The following SORBS2 variants were observed in gnomAD, a reference collection of about 807,000 sequenced individuals.
SORBS2 encodes sorbin and SH3 domain-containing protein 2.
Under a neutral mutation model 97.7 loss-of-function variants are expected in SORBS2, and 46 were observed. The observed-to-expected ratio is 0.47, with a 90% CI of 0.37 to 0.60. SORBS2 has a LOEUF of 0.60. Ranked by LOEUF, SORBS2 falls within the 20% of genes least tolerant of loss-of-function variation. The pLI, the probability that SORBS2 is intolerant of heterozygous loss-of-function variation, is 0.00. For missense variants in SORBS2, 1,316 were observed against 1,282.3 expected (o/e 1.03, Z -0.40); for synonymous variants, 476 against 473.4 (o/e 1.01, Z -0.07).
At chr4:185,618,592 T>A (rs768750687) in exon 9 of SORBS2, 1 of 1,527,818 alleles carries the variant, frequency 6.5e-7, no homozygotes, top group Non-Finnish European at 8.9e-7. Flanking sequence ...TACTTAGATG[T>A]CTGAGCCTTA....
chr4:185,867,345 T>C (rs1177231196), intron 1 of SORBS2, among the ~76,000 whole-genome samples: 1 of 152,184 alleles, frequency 6.6e-6, no homozygotes, highest in African/African-American at 2.4e-5. Context: ...TAGAACTTCC[T>C]ATTAGCAAAG....
chr4:185,712,637 GGCTTTGGGA>G (rs2098433188), intron 2 of SORBS2, among the ~76,000 whole-genome samples: 1 of 152,186 alleles, frequency 6.6e-6, no homozygotes, highest in Non-Finnish European at 1.5e-5. Flanking sequence ...CGCCCTCTGG[GGCTTTGGGA>G]GTCACAGGCA....
At chr4:185,679,591 A>C (rs1455667326) in intron 2 of SORBS2, among the ~76,000 whole-genome samples, 2 of 152,178 alleles carry the variant, frequency 1.3e-5, no homozygotes, top group African/African-American at 4.8e-5. Flanking sequence ...TGTGTATTTT[A>C]AGTCATCAGC....
At chr4:185,870,258 C>CAT (rs2149739025) in intron 1 of SORBS2, among the ~76,000 whole-genome samples, 1 of 152,222 alleles carries the variant, frequency 6.6e-6, no homozygotes, top group African/African-American at 2.4e-5. Flanking sequence ...GGGTTCCCTG[C>CAT]GTAGGGGAAT....
In SORBS2 at chr4:185,927,457, G is replaced by T. The variant is rs1036154159; in HGVS notation, c.-338+28739C>A. ...CCCCTTGCCCCCCACCCCCTGACAG[G>T]CCCCTGTGTGATATTCCACTCCCCG... On this transcript the variant is annotated intron_variant, in intron 1 of 20. Coordinates refer to the SORBS2 transcript ENST00000284776. Among the ~76,000 whole-genome samples, 4 of 151,016 alleles carry T rather than the reference G, an allele frequency of 2.6e-5. No individual in the cohort carries two copies. In the Admixed American group the frequency reaches 2.6e-4, roughly 10 times the overall value.
intron 9 of SORBS2, among the ~76,000 whole-genome samples, chr4:185,616,751 ATTTTT>A (rs2096634050): frequency 6.6e-6 from 1 of 151,632 alleles, no homozygotes; most frequent in South Asian, 2.1e-4. Flanking sequence ...CCTCACTTTT[ATTTTT>A]ATTTGTTTTT....
intron 1 of SORBS2, among the ~76,000 whole-genome samples, chr4:185,808,058 T>C (rs1288093890): frequency 6.6e-6 from 1 of 152,202 alleles, no homozygotes; most frequent in African/African-American, 2.4e-5. Flanking sequence ...ACATGATTAG[T>C]CTTTAAGATG....
intron 1 of SORBS2, among the ~76,000 whole-genome samples, chr4:185,792,858 G>A (rs982297212): frequency 2.6e-5 from 4 of 152,186 alleles, no homozygotes; most frequent in African/African-American, 9.7e-5. Flanking sequence ...GACAGTGCAG[G>A]GTTTGGAATG....
intron 2 of SORBS2, among the ~76,000 whole-genome samples, chr4:185,712,657 C>A (rs1583252983): frequency 6.6e-6 from 1 of 152,180 alleles, no homozygotes; most frequent in Admixed American, 6.5e-5. Context: ...GTCACAGGCA[C>A]CCCCACCTGG....
At chr4:185,802,974 T>C (rs1417774487) in intron 1 of SORBS2, among the ~76,000 whole-genome samples, 1 of 152,178 alleles carries the variant, frequency 6.6e-6, no homozygotes, top group African/African-American at 2.4e-5. Flanking sequence ...TTGCTTTTGG[T>C]TGGAAGCAGA....
intron 2 of SORBS2, among the ~76,000 whole-genome samples, chr4:185,683,720 G>A (rs1004210085): frequency 1.1e-4 from 16 of 152,014 alleles, no homozygotes; most frequent in Non-Finnish European, 2.9e-5. Context: ...CTTGGACGTT[G>A]AAATCCATTT....
At chr4:185,914,127 T>G (rs1341052611) in intron 1 of SORBS2, among the ~76,000 whole-genome samples, 3 of 152,246 alleles carry the variant, frequency 2.0e-5, no homozygotes, top group African/African-American at 7.2e-5. Context: ...ATTTTCACTG[T>G]GGACAATAAC....
At chr4:185,791,165 C>G (rs2099078110) in intron 1 of SORBS2, among the ~76,000 whole-genome samples, 1 of 152,148 alleles carries the variant, frequency 6.6e-6, no homozygotes, top group Admixed American at 6.5e-5. Flanking sequence ...TTAGAATGAG[C>G]ACATTTTTGC....
intron 1 of SORBS2, among the ~76,000 whole-genome samples, chr4:185,879,258 G>C (rs1441749321): frequency 6.8e-6 from 1 of 147,616 alleles, no homozygotes; most frequent in Non-Finnish European, 1.5e-5. Context: ...CTATGAGTGA[G>C]AACATGCGGT....
At chr4:185,753,996 C>T (rs886131297) in intron 2 of SORBS2, among the ~76,000 whole-genome samples, 7 of 152,046 alleles carry the variant, frequency 4.6e-5, no homozygotes, top group African/African-American at 1.2e-4. Flanking sequence ...GACACATGCA[C>T]GCATATATTC....
intron 2 of SORBS2, among the ~76,000 whole-genome samples, chr4:185,719,036 TA>T (rs1423584057): frequency 6.6e-6 from 1 of 151,962 alleles, no homozygotes; most frequent in Non-Finnish European, 1.5e-5. Context: ...TTCCATTAAA[TA>T]ACAAGCTTGC....
At chr4:185,700,299 G>C (rs188094258) in intron 2 of SORBS2, among the ~76,000 whole-genome samples, 1 of 151,314 alleles carries the variant, frequency 6.6e-6, no homozygotes, top group East Asian at 1.9e-4. Context: ...ATGAGTCTGT[G>C]CGTGAGTCAG....
intron 2 of SORBS2, among the ~76,000 whole-genome samples, chr4:185,716,946 GATTTTGATTACTAGTGAC>G (rs1381564085): frequency 1.3e-5 from 2 of 152,220 alleles, no homozygotes; most frequent in Non-Finnish European, 2.9e-5. Flanking sequence ...GTAGCAAGAT[GATTTTGATTACTAGTGAC>G]ATTTAATTGC....
intron 12 of SORBS2, among the ~76,000 whole-genome samples, chr4:185,594,199 A>G (rs1169478254): frequency 6.6e-6 from 1 of 152,258 alleles, no homozygotes; most frequent in Non-Finnish European, 1.5e-5. Context: ...AGGAAAAGTC[A>G]GGGTTTGGTC....
Sources: gnomAD v4.1 joint callset for allele counts (sites outside exome capture counted in the v4.1 genomes callset) on GRCh38, gnomAD v4.1.1 for gene constraint, MANE v1.5 for transcripts, NCBI Gene and HGNC (gene_info 2026-07-23, HGNC 2026-07-21) for gene names.